PLCE1: variants seen among roughly 807,000 people sequenced by gnomAD.
PLCE1 encodes the protein 1-phosphatidylinositol 4,5-bisphosphate phosphodiesterase epsilon-1.
PLCE1 carries 119 observed loss-of-function variants against 242.8 expected under a neutral mutation model. That is an observed-to-expected ratio of 0.49 (90% confidence interval 0.42 to 0.57). PLCE1 has a LOEUF of 0.57. Among genes scored for constraint, PLCE1 ranks in the 20% least tolerant of loss-of-function variants. The pLI, the probability that PLCE1 is intolerant of heterozygous loss-of-function variation, is 0.00. For synonymous variants in PLCE1, 945 were observed against 1,017.4 expected, an observed-to-expected ratio of 0.93 and a Z score of 1.35; for missense variants, 2,441 against 2,788.8, an observed-to-expected ratio of 0.88 and a Z score of 2.81.
intron 30 of PLCE1, among the ~76,000 whole-genome samples, chr10:94,323,437 T>C (rs189391211): frequency 1.5e-4 from 23 of 152,348 alleles, no homozygotes; most frequent in Admixed American, 1.1e-3. Context: ...CAGCTCTTTG[T>C]AAAAGAAAGA....
chr10:94,255,798 TCCTG>T (rs2051051178), intron 11 of PLCE1, among the ~76,000 whole-genome samples: 1 of 151,364 alleles, frequency 6.6e-6, no homozygotes, highest in Non-Finnish European at 1.5e-5. Context: ...TGCTCCATCC[TCCTG>T]TATCCCACAT....
chr10:94,315,574 G>GC (rs1253209811), intron 28 of PLCE1: 1 of 449,312 alleles, frequency 2.2e-6, no homozygotes, highest in Non-Finnish European at 4.5e-6. Context: ...TTTGAGACCA[G>GC]CCTGGCCAAC....
intron 3 of PLCE1, among the ~76,000 whole-genome samples, chr10:94,142,561 A>G (rs902707442): frequency 5.3e-5 from 8 of 152,220 alleles, no homozygotes; most frequent in African/African-American, 9.6e-5. Context: ...ACAGCTTGGC[A>G]TAGTATCTGG....
chr10:94,049,448 T>C (rs2043701377), intron 2 of PLCE1, among the ~76,000 whole-genome samples: 1 of 152,308 alleles, frequency 6.6e-6, no homozygotes, highest in African/African-American at 2.4e-5. Context: ...TCCATACATG[T>C]GTGGGCCTTC....
intron 3 of PLCE1, among the ~76,000 whole-genome samples, chr10:94,163,196 G>A (rs572168448): frequency 1.3e-5 from 2 of 152,156 alleles, no homozygotes; most frequent in Non-Finnish European, 2.9e-5. Flanking sequence ...GCTGAGTTCA[G>A]TTCCTGGATA....
rs555378135 is a variant in PLCE1, at chr10:94,073,670, T to A, written c.1206+41418T>A. Among the ~76,000 whole-genome samples the A allele has an allele frequency of 4.6e-5, 7 of 152,338 alleles. No homozygotes were observed. In the South Asian group the frequency reaches 1.4e-3, roughly 32 times the overall value. On this transcript the variant is annotated intron_variant, in intron 2 of 32. Coordinates refer to ENST00000371380, the MANE Select transcript of PLCE1 (RefSeq NM_016341.4). ...GGCACATGTGCTACCTCCAGCCCAC[T>A]GCACCCATGGCAGATGCTACTAATC...
intron 19 of PLCE1, among the ~76,000 whole-genome samples, chr10:94,274,650 C>T (rs946957287): frequency 3.3e-5 from 5 of 152,044 alleles, no homozygotes; most frequent in Non-Finnish European, 7.4e-5. Context: ...GTGTGCACGC[C>T]GTGTCAAAGA....
intron 1 of PLCE1, among the ~76,000 whole-genome samples, chr10:94,017,690 T>C (rs767078803): frequency 2.6e-5 from 4 of 152,232 alleles, no homozygotes; most frequent in African/African-American, 4.8e-5. Flanking sequence ...ATAATACTTA[T>C]ACATTAAGTA....
At position 94,031,051 on chromosome 10, in the gene PLCE1, C is replaced by T. The variant is rs773702940; in HGVS notation, c.5C>T (p.Thr2Ile). 6.2e-7 allele frequency: 1 copy of T among 1,613,600 alleles called. No homozygotes were observed. The highest frequency in any genetic ancestry group is 8.5e-7 in the Non-Finnish European group (1 of 1,179,644). Reference protein sequence around the residue: MTSEEMTASVLI... With the variant: MISEEMTASVLI... The stretch of plus-strand genomic sequence containing the variant: ...AAACCTGTGTGTTAGTCCAAGATGA[C>T]TTCTGAAGAAATGACAGCTTCTGTT... Residue 2 changes from threonine (T) to isoleucine (I), a missense_variant, in exon 2 of 33, where the codon ACT (threonine) becomes ATT (isoleucine). Thr to Ile is a moderately conservative substitution (Grantham distance 89). Transcript: ENST00000371380.
At chr10:94,309,072 G>C (rs1048765444) in intron 27 of PLCE1, among the ~76,000 whole-genome samples, 21 of 152,218 alleles carry the variant, frequency 1.4e-4, no homozygotes, top group Non-Finnish European at 2.1e-4. Context: ...GTGAGGAAGA[G>C]GCTTATTATG....
intron 1 of PLCE1, among the ~76,000 whole-genome samples, chr10:94,023,267 G>A (rs2061404824): frequency 6.6e-6 from 1 of 152,172 alleles, no homozygotes; most frequent in African/African-American, 2.4e-5. Context: ...CAATGTGACT[G>A]CATAACTCTT....
chr10:94,329,776 CAAAAAAAAAAAAAAAAAAAAAA>C lies in PLCE1; in HGVS notation c.*1847_*1868del, dbSNP rs71031569. The C allele has an allele frequency of 2.9e-4, 11 of 37,954 alleles. No homozygotes were observed. Among genetic ancestry groups the C allele is most frequent in the South Asian group, 1.8e-3 (1 of 570 alleles). 2.4% of individuals were successfully genotyped at this position (37,954 alleles called of 1,614,324 possible). A position where few individuals can be genotyped will look rare whatever the true frequency, so the allele number is the denominator to read the frequency against. On this transcript the variant is annotated 3_prime_UTR_variant, in exon 33 of 33. Coordinates refer to ENST00000371380, the MANE Select transcript of PLCE1 (RefSeq NM_016341.4). ...CTGGTGACAGAGCGAGACTCCGTCT[CAAAAAAAAAAAAAAAAAAAAAA>C]AAAAAAAAAAAAACACCATACAGCT...
At chr10:94,243,205 C>A (rs772289935) in intron 7 of PLCE1, among the ~76,000 whole-genome samples, 1 of 152,130 alleles carries the variant, frequency 6.6e-6, no homozygotes, top group Non-Finnish European at 1.5e-5. Flanking sequence ...AAGAATGATA[C>A]TTTACCTCTA....
At chr10:94,178,387 A>G (rs958415316) in intron 4 of PLCE1, among the ~76,000 whole-genome samples, 11 of 152,126 alleles carry the variant, frequency 7.2e-5, no homozygotes, top group African/African-American at 2.7e-4. Context: ...CAAGGCCTCC[A>G]TGTGGCTCTG....
At chr10:94,039,361 AG>A (rs556142497) in intron 2 of PLCE1, among the ~76,000 whole-genome samples, 501 of 152,116 alleles carry the variant, frequency 3.3e-3, no homozygotes, top group African/African-American at 0.011. Flanking sequence ...GCAATGCAAA[AG>A]GGTTCTAGTT....
At chr10:94,308,833 G>A in intron 27 of PLCE1, 134 bp downstream of exon 27, 1 of 762,852 alleles carries the variant, frequency 1.3e-6, no homozygotes, top group East Asian at 2.5e-5. Flanking sequence ...AATAATGGCT[G>A]ACACTTGGCA....
intron 2 of PLCE1, among the ~76,000 whole-genome samples, chr10:94,045,310 A>T (rs146161614): frequency 1.5e-3 from 232 of 152,134 alleles, no homozygotes; most frequent in Non-Finnish European, 2.9e-3. Flanking sequence ...ATATATATAT[A>T]TTTTTTGTAG....
At chr10:94,291,630 C>T (rs774101071) in intron 22 of PLCE1, among the ~76,000 whole-genome samples, 24 of 152,000 alleles carry the variant, frequency 1.6e-4, no homozygotes, top group Non-Finnish European at 3.4e-4. Flanking sequence ...TAAAAAGTAG[C>T]AATAAAGTAT....
chr10:94,180,966 A>T (rs1430999459), intron 4 of PLCE1, among the ~76,000 whole-genome samples: 1 of 152,234 alleles, frequency 6.6e-6, no homozygotes, highest in African/African-American at 2.4e-5. Context: ...GTATTCTCTT[A>T]TAGCAGCACA....
Sources: gnomAD v4.1 joint callset for allele counts (sites outside exome capture counted in the v4.1 genomes callset) on GRCh38, gnomAD v4.1.1 for gene constraint, MANE v1.5 for transcripts, NCBI Gene and HGNC (gene_info 2026-07-23, HGNC 2026-07-21) for gene names.